Variants in GDPD4 observed in about 807,000 individuals in gnomAD.
GDPD4 encodes the protein glycerophosphodiester phosphodiesterase domain containing 4, also known as glycerophosphodiester phosphodiesterase 6.
GDPD4 carries 60 observed loss-of-function variants against 67.8 expected under a neutral mutation model. The observed-to-expected ratio is 0.88, with a 90% confidence interval of 0.72 to 1.10. The LOEUF (loss-of-function observed/expected upper bound fraction) is 1.10, where lower values mean the gene tolerates loss of function less well. GDPD4 is among the 50% of genes least tolerant of loss of function. GDPD4 has a pLI of 0.00. For missense variants in GDPD4, 623 were observed against 613.9 expected (o/e 1.01, Z -0.16); for synonymous variants, 212 against 210.9 (o/e 1.00, Z -0.04).
intron 3 of GDPD4, among the ~76,000 whole-genome samples, chr11:77,281,147 T>A (rs1037253491): frequency 6.6e-6 from 1 of 152,220 alleles, no homozygotes; most frequent in Non-Finnish European, 1.5e-5. Flanking sequence ...TGGGGCAGCC[T>A]AGTCAATGCA....
At chr11:77,297,044 A>G (rs1834749238) in intron 1 of GDPD4, among the ~76,000 whole-genome samples, 1 of 143,902 alleles carries the variant, frequency 6.9e-6, no homozygotes, top group South Asian at 2.3e-4. Flanking sequence ...ACAGAGGGAG[A>G]CTGCCTCAAA....
intron 16 of GDPD4, among the ~76,000 whole-genome samples, chr11:77,218,005 A>G (rs1209105873): frequency 6.6e-6 from 1 of 151,772 alleles, no homozygotes; most frequent in Non-Finnish European, 1.5e-5. Flanking sequence ...TTAATTTTTA[A>G]AAGTTTTTTA....
intron 11 of GDPD4, among the ~76,000 whole-genome samples, chr11:77,257,686 G>A (rs561490793): frequency 6.6e-6 from 1 of 152,064 alleles, no homozygotes; most frequent in South Asian, 2.1e-4. Context: ...AATGGTAGCT[G>A]TGCATAAAGT....
chr11:77,283,516 TATAA>T (rs934698502), intron 3 of GDPD4, among the ~76,000 whole-genome samples: 7 of 151,948 alleles, frequency 4.6e-5, no homozygotes, highest in South Asian at 4.1e-4. Flanking sequence ...AATTTATAAA[TATAA>T]ATAAATAAAT....
chr11:77,262,096 G>A (rs1005242531), intron 10 of GDPD4, among the ~76,000 whole-genome samples: 3 of 152,156 alleles, frequency 2.0e-5, no homozygotes, highest in African/African-American at 2.4e-5. Context: ...TGGGAAACTG[G>A]TTTTAGTTCC....
At chr11:77,218,562 G>C (rs1958169936) in intron 16 of GDPD4, among the ~76,000 whole-genome samples, 1 of 152,134 alleles carries the variant, frequency 6.6e-6, no homozygotes, top group African/African-American at 2.4e-5. Flanking sequence ...ACGACAGGCT[G>C]TGGTGTGTGA....
chr11:77,277,721 G>T (rs950946683), intron 4 of GDPD4, among the ~76,000 whole-genome samples: 1 of 151,584 alleles, frequency 6.6e-6, no homozygotes, highest in African/African-American at 2.4e-5. Flanking sequence ...AGGGTTTTTT[G>T]TGTCTCTATC....
chr11:77,248,081 GA>G (rs1366311131), intron 11 of GDPD4, among the ~76,000 whole-genome samples: 1 of 141,604 alleles, frequency 7.1e-6, no homozygotes, highest in Non-Finnish European at 1.5e-5. Context: ...AGAAAAGAAA[GA>G]AAGAAATAGA....
intron 16 of GDPD4, among the ~76,000 whole-genome samples, chr11:77,223,620 C>T (rs946656931): frequency 8.5e-5 from 13 of 152,262 alleles, no homozygotes; most frequent in South Asian, 4.1e-4. Context: ...CTCTACTGGG[C>T]GGTGTCTCCC....
chr11:77,249,436 T>A (rs1828077482), intron 11 of GDPD4, among the ~76,000 whole-genome samples: 1 of 152,162 alleles, frequency 6.6e-6, no homozygotes, highest in African/African-American at 2.4e-5. Flanking sequence ...AATAGACTTC[T>A]GGTTTCTGGT....
intron 16 of GDPD4, among the ~76,000 whole-genome samples, chr11:77,217,840 GGAT>G (rs1203127314): frequency 6.6e-6 from 1 of 152,120 alleles, no homozygotes; most frequent in East Asian, 1.9e-4. Flanking sequence ...ATTAAAAACT[GGAT>G]GATATACAAA....
At chr11:77,262,698 C>T (rs1207086336) in intron 10 of GDPD4, among the ~76,000 whole-genome samples, 3 of 152,018 alleles carry the variant, frequency 2.0e-5, no homozygotes, top group Non-Finnish European at 4.4e-5. Flanking sequence ...TGTCCCTTGA[C>T]TTTACCCTGT....
intron 2 of GDPD4, chr11:77,286,828 T>C (rs868539237): frequency 6.6e-6 from 1 of 152,216 alleles, no homozygotes; most frequent in Non-Finnish European, 1.5e-5. Context: ...GCTGTTTTTT[T>C]CTCCTGCGAA....
intron 3 of GDPD4, among the ~76,000 whole-genome samples, chr11:77,282,981 A>G (rs1236134378): frequency 6.6e-6 from 1 of 152,248 alleles, no homozygotes; most frequent in East Asian, 1.9e-4. Flanking sequence ...TATACAAAAT[A>G]GTCTTCAAGT....
At chr11:77,253,731 T>A (rs916128912) in intron 11 of GDPD4, among the ~76,000 whole-genome samples, 1 of 152,150 alleles carries the variant, frequency 6.6e-6, no homozygotes, top group Non-Finnish European at 1.5e-5. Context: ...CCAGGCACCA[T>A]TTCCCTGCCA....
intron 7 of GDPD4, among the ~76,000 whole-genome samples, chr11:77,270,187 G>T (rs1447123332): frequency 6.6e-6 from 1 of 152,138 alleles, no homozygotes; most frequent in African/African-American, 2.4e-5. Flanking sequence ...AGAGAAGAAG[G>T]TCCTATTGGT....
At chr11:77,264,188 C>T (rs1165308697) in intron 10 of GDPD4, among the ~76,000 whole-genome samples, 1 of 152,182 alleles carries the variant, frequency 6.6e-6, no homozygotes, top group African/African-American at 2.4e-5. Flanking sequence ...TAGGCTTTCA[C>T]TCAGATGCAA....
chr11:77,242,674 G>C (rs552702897), intron 13 of GDPD4, among the ~76,000 whole-genome samples: 1 of 151,700 alleles, frequency 6.6e-6, no homozygotes, highest in South Asian at 2.1e-4. Flanking sequence ...AATCATTCTA[G>C]AGCCATTTTC....
chr11:77,252,596 C>A (rs1324500074), intron 11 of GDPD4, among the ~76,000 whole-genome samples: 1 of 152,044 alleles, frequency 6.6e-6, no homozygotes, highest in Non-Finnish European at 1.5e-5. Flanking sequence ...ATTTCTTGTG[C>A]CCCTGTGCTA....
Sources: gnomAD v4.1 joint callset for allele counts (sites outside exome capture counted in the v4.1 genomes callset) on GRCh38, gnomAD v4.1.1 for gene constraint, MANE v1.5 for transcripts, NCBI Gene and HGNC (gene_info 2026-07-23, HGNC 2026-07-21) for gene names.